Variants in PHKB observed in about 807,000 individuals in gnomAD.
PHKB encodes phosphorylase kinase regulatory subunit beta, also known as phosphorylase b kinase regulatory subunit beta.
A neutral mutation model predicts 152.1 loss-of-function variants in PHKB; 122 were observed. That is an observed-to-expected ratio of 0.80 (90% CI 0.69 to 0.93). The LOEUF is 0.93. Ranked by LOEUF, PHKB falls within the 40% of genes least tolerant of loss-of-function variation. The pLI is 0.00. For synonymous variants in PHKB, 436 were observed against 464.9 expected, an observed-to-expected ratio of 0.94 and a Z score of 0.80; for missense variants, 1,304 against 1,328.4, an observed-to-expected ratio of 0.98 and a Z score of 0.29.
At chr16:47,495,104 A>G (rs539852286) in intron 1 of PHKB, among the ~76,000 whole-genome samples, 37 of 148,930 alleles carry the variant, frequency 2.5e-4, no homozygotes, top group African/African-American at 8.1e-4. Flanking sequence ...AACATCTTCT[A>G]TTTTTCCTCT....
intron 7 of PHKB, chr16:47,561,346 G>C (rs915244672): frequency 6.6e-6 from 1 of 152,162 alleles, no homozygotes; most frequent in Admixed American, 6.5e-5. Flanking sequence ...GGATTAAAGA[G>C]GTTGCTCTGT....
At chr16:47,498,543 G>T (rs1221078605) in intron 2 of PHKB, among the ~76,000 whole-genome samples, 1 of 152,132 alleles carries the variant, frequency 6.6e-6, no homozygotes, top group Non-Finnish European at 1.5e-5. Flanking sequence ...ATGAGTGGTG[G>T]TGCACTCCTG....
chr16:47,464,105 C>T, intron 1 of PHKB: 1 of 791,472 alleles, frequency 1.3e-6, no homozygotes, highest in East Asian at 2.5e-5. Context: ...TTTGGTGGGC[C>T]CAGGCCTGAG....
chr16:47,571,769 G>C (rs1386978908), intron 7 of PHKB, among the ~76,000 whole-genome samples: 1 of 152,182 alleles, frequency 6.6e-6, no homozygotes, highest in Non-Finnish European at 1.5e-5. Context: ...TGCTAGAGTA[G>C]AACCTTAGTC....
intron 13 of PHKB, chr16:47,598,978 G>A: frequency 8.3e-7 from 1 of 1,210,674 alleles, no homozygotes; most frequent in Non-Finnish European, 1.2e-6. Flanking sequence ...CACAAGGCCA[G>A]TGGTCTTCTT....
chr16:47,566,990 A>G (rs1293913005), intron 7 of PHKB: 6 of 460,764 alleles, frequency 1.3e-5, no homozygotes, highest in African/African-American at 6.0e-5. Flanking sequence ...TTTAGTTACT[A>G]TAGCCTTGTA....
chr16:47,547,969 G>T, intron 7 of PHKB: 1 of 239,774 alleles, frequency 4.2e-6, no homozygotes, highest in Non-Finnish European at 8.2e-6. Flanking sequence ...TTTTTATCCT[G>T]ACCACGGATG....
At chr16:47,583,230 TG>T (rs1201250203) in intron 8 of PHKB, among the ~76,000 whole-genome samples, 1 of 152,212 alleles carries the variant, frequency 6.6e-6, no homozygotes, top group African/African-American at 2.4e-5. Flanking sequence ...TGTGGAGAAT[TG>T]CAGAAATATG....
At chr16:47,465,639 T>G (rs961866350) in intron 1 of PHKB, among the ~76,000 whole-genome samples, 1 of 152,224 alleles carries the variant, frequency 6.6e-6, no homozygotes, top group African/African-American at 2.4e-5. Flanking sequence ...ACACTTAAAA[T>G]TTGTATCTGT....
intron 4 of PHKB, among the ~76,000 whole-genome samples, chr16:47,507,187 C>A (rs1051558449): frequency 5.3e-5 from 8 of 152,170 alleles, no homozygotes; most frequent in African/African-American, 1.9e-4. Flanking sequence ...TTTCCCCAAG[C>A]TGGTCTTGAA....
chr16:47,489,984 A>C (rs1053802745), intron 1 of PHKB, among the ~76,000 whole-genome samples: 2 of 152,366 alleles, frequency 1.3e-5, no homozygotes, highest in East Asian at 3.9e-4. Flanking sequence ...GTTCACAGGA[A>C]TATACCTTAC....
chr16:47,691,904 T>C (rs1050070284), intron 27 of PHKB, among the ~76,000 whole-genome samples: 1 of 152,230 alleles, frequency 6.6e-6, no homozygotes, highest in Non-Finnish European at 1.5e-5. Context: ...AGTATCTCCT[T>C]TTTAAAGTAT....
intron 6 of PHKB, among the ~76,000 whole-genome samples, chr16:47,543,555 G>T (rs1971102228): frequency 6.6e-6 from 1 of 152,176 alleles, no homozygotes; most frequent in Admixed American, 6.5e-5. Context: ...CTATTGATTG[G>T]AATAGTTTCA....
chr16:47,635,184 G>A (rs917865585), intron 14 of PHKB, among the ~76,000 whole-genome samples: 3 of 152,178 alleles, frequency 2.0e-5, no homozygotes, highest in Non-Finnish European at 4.4e-5. Context: ...GAGGCATACA[G>A]TATACTATAA....
chr16:47,692,149 T>C (rs1236462056), intron 27 of PHKB, among the ~76,000 whole-genome samples: 2 of 152,214 alleles, frequency 1.3e-5, no homozygotes, highest in African/African-American at 4.8e-5. Context: ...CTCTTACCTA[T>C]GTAGTGATAA....
intron 6 of PHKB, among the ~76,000 whole-genome samples, chr16:47,534,748 A>C (rs1422907560): frequency 6.6e-6 from 1 of 152,238 alleles, no homozygotes; most frequent in Non-Finnish European, 1.5e-5. Context: ...CACCAGCAAG[A>C]AGATACATTG....
rs751481983 is a variant in PHKB, at chr16:47,588,883, CT to C, written c.871-21del. On this transcript the variant is annotated intron_variant, in intron 9 of 30. Coordinates refer to ENST00000323584, the MANE Select transcript of PHKB (RefSeq NM_000293.3). ...TCACATCGCTGTGGACACTCACAGT[CT>C]CTCTTTCTCATTGCCTCCAGAATAC... 1.9e-6 allele frequency: 3 copies of C among 1,599,676 alleles called. No individual in the cohort carries two copies. The African/African-American group carries it at 4.0e-5, about 21-fold the overall frequency.
intron 1 of PHKB, among the ~76,000 whole-genome samples, chr16:47,482,434 A>G (rs1466677105): frequency 1.3e-5 from 2 of 152,210 alleles, no homozygotes; most frequent in Admixed American, 1.3e-4. Context: ...TCCTGCTAAC[A>G]TTCAAGACTT....
intron 13 of PHKB, among the ~76,000 whole-genome samples, chr16:47,599,552 G>A (rs1465130387): frequency 6.6e-6 from 1 of 152,196 alleles, no homozygotes; most frequent in Non-Finnish European, 1.5e-5. Flanking sequence ...GGTCTTGAGT[G>A]AAGATAGTAT....
Sources: allele counts gnomAD v4.1 joint callset (sites outside exome capture counted in the v4.1 genomes callset), GRCh38; gene constraint gnomAD v4.1.1; transcripts MANE v1.5; gene names NCBI Gene and HGNC (gene_info 2026-07-23, HGNC 2026-07-21).